Variants in CMTM7 observed in about 807,000 individuals in gnomAD.
CMTM7 encodes the protein CKLF-like MARVEL transmembrane domain-containing protein 7.
Under a neutral mutation model 19.3 loss-of-function variants are expected in CMTM7, and 7 were observed. The observed-to-expected ratio is 0.36, with a 90% CI of 0.21 to 0.68. The LOEUF is 0.68. Among genes scored for constraint, CMTM7 ranks in the 30% least tolerant of loss-of-function variants. CMTM7 has a pLI of 0.60. For missense variants in CMTM7, 193 were observed against 232.6 expected, an observed-to-expected ratio of 0.83 and a Z score of 1.11; for synonymous variants, 87 against 99.3, an observed-to-expected ratio of 0.88 and a Z score of 0.74.
intron 1 of CMTM7, among the ~76,000 whole-genome samples, chr3:32,412,076 A>G (rs1319443112): frequency 6.6e-6 from 1 of 152,198 alleles, no homozygotes; most frequent in Non-Finnish European, 1.5e-5. Flanking sequence ...GTTAGCCACA[A>G]AAATGTTAGT....
Position 32,413,748 on chromosome 3 carries a change from C to G in CMTM7, c.159+21683C>G, listed in dbSNP as rs140933805. On this transcript the variant is annotated intron_variant, in intron 1 of 4. Coordinates refer to ENST00000334983, the MANE Select transcript of CMTM7 (RefSeq NM_138410.4). ...CCTATGTGGCTATTCAAGTTTGGGCCAAGATTTTTCTATTCTTTTTAAACT... is the reference window on the plus strand; with the variant it reads ...CCTATGTGGCTATTCAAGTTTGGGCGAAGATTTTTCTATTCTTTTTAAACT... Among the ~76,000 whole-genome samples the G allele has an allele frequency of 2.2e-3, 335 of 152,276 alleles. 1 individual carries two copies. Among genetic ancestry groups the G allele is most frequent in the Non-Finnish European group, 3.8e-3 (261 of 68,032 alleles).
At chr3:32,397,854 G>T (rs1307744434) in intron 1 of CMTM7, among the ~76,000 whole-genome samples, 1 of 152,166 alleles carries the variant, frequency 6.6e-6, no homozygotes, top group South Asian at 2.1e-4. Flanking sequence ...TATTCAAGAT[G>T]GAGTCACTCT....
At chr3:32,398,438 A>G (rs563144660) in intron 1 of CMTM7, among the ~76,000 whole-genome samples, 115 of 152,272 alleles carry the variant, frequency 7.6e-4, no homozygotes, top group African/African-American at 2.6e-3. Flanking sequence ...CTAGTAGGTG[A>G]TCACGACTGT....
At chr3:32,395,131 G>A (rs1417207114) in intron 1 of CMTM7, among the ~76,000 whole-genome samples, 1 of 152,000 alleles carries the variant, frequency 6.6e-6, no homozygotes, top group Admixed American at 6.6e-5. Flanking sequence ...AGCCTCCCGA[G>A]TAGCTGGGAC....
intron 1 of CMTM7, among the ~76,000 whole-genome samples, chr3:32,416,370 T>C (rs1231826677): frequency 0.36 from 29,848 of 83,570 alleles, 6,633 homozygotes; most frequent in South Asian, 0.5. Flanking sequence ...AATTTTTTTT[T>C]TTTTTTTTTT....
intron 1 of CMTM7, among the ~76,000 whole-genome samples, chr3:32,440,954 GT>G (rs1185024757): frequency 1.3e-5 from 2 of 152,166 alleles, no homozygotes; most frequent in African/African-American, 2.4e-5. Flanking sequence ...ATTGCTAATA[GT>G]TTTCATCTGG....
At chr3:32,419,083 A>G (rs347163) in intron 1 of CMTM7, among the ~76,000 whole-genome samples, 63,796 of 151,958 alleles carry the variant, frequency 0.42, 13,668 homozygotes, top group South Asian at 0.48. Context: ...GTGTTCTATC[A>G]TTTTCACCAT....
intron 1 of CMTM7, among the ~76,000 whole-genome samples, chr3:32,414,716 C>A (rs1026856903): frequency 2.0e-5 from 3 of 152,162 alleles, no homozygotes; most frequent in Non-Finnish European, 4.4e-5. Flanking sequence ...CAATTCTTTA[C>A]GACAACGGAA....
At chr3:32,407,362 A>G (rs1297375800) in intron 1 of CMTM7, among the ~76,000 whole-genome samples, 1 of 152,114 alleles carries the variant, frequency 6.6e-6, no homozygotes, top group East Asian at 1.9e-4. Context: ...ATTTGAAACA[A>G]GGGAAGGGAA....
chr3:32,426,103 C>T (rs1696428532), intron 1 of CMTM7, among the ~76,000 whole-genome samples: 1 of 152,316 alleles, frequency 6.6e-6, no homozygotes, highest in South Asian at 2.1e-4. Context: ...CAAGATCGCA[C>T]CATTGCACTC....
At chr3:32,404,156 TTTTTTC>T (rs1424732538) in intron 1 of CMTM7, among the ~76,000 whole-genome samples, 15 of 70,726 alleles carry the variant, frequency 2.1e-4, no homozygotes, top group African/African-American at 3.8e-4. Flanking sequence ...TTTTTTCTTT[TTTTTTC>T]TTTTTTTTTT....
At chr3:32,441,730 C>T in intron 1 of CMTM7, 110 bp from the exon 2 acceptor site, 1 of 866,452 alleles carries the variant, frequency 1.2e-6, no homozygotes, top group East Asian at 2.4e-5. Flanking sequence ...GTATTAATAG[C>T]AGTTCTTCAA....
intron 1 of CMTM7, among the ~76,000 whole-genome samples, chr3:32,427,514 T>C: frequency 6.6e-6 from 1 of 152,142 alleles, no homozygotes; most frequent in East Asian, 1.9e-4. Flanking sequence ...TATAATACCA[T>C]AGCCACTAGC....
chr3:32,438,512 G>T (rs1046572923), intron 1 of CMTM7, among the ~76,000 whole-genome samples: 8 of 151,598 alleles, frequency 5.3e-5, no homozygotes, highest in Non-Finnish European at 8.8e-5. Flanking sequence ...TAATATGCTG[G>T]CTAAGATGCT....
intron 1 of CMTM7, among the ~76,000 whole-genome samples, chr3:32,415,853 C>G (rs1260686662): frequency 6.6e-6 from 1 of 152,142 alleles, no homozygotes; most frequent in Admixed American, 6.5e-5. Flanking sequence ...ATGCTAGTCC[C>G]TTTGATAAGA....
intron 1 of CMTM7, among the ~76,000 whole-genome samples, chr3:32,400,480 C>T (rs747955890): frequency 1.4e-5 from 2 of 147,456 alleles, no homozygotes; most frequent in Admixed American, 6.9e-5. Context: ...GCAACCTCCA[C>T]CTCCCGGGTT....
At chr3:32,413,686 C>T (rs772902532) in intron 1 of CMTM7, among the ~76,000 whole-genome samples, 5 of 152,152 alleles carry the variant, frequency 3.3e-5, no homozygotes, top group Non-Finnish European at 5.9e-5. Flanking sequence ...TTTAGGAACC[C>T]CAGCATGGGG....
chr3:32,399,268 T>TG (rs1695965864), intron 1 of CMTM7, among the ~76,000 whole-genome samples: 1 of 151,912 alleles, frequency 6.6e-6, no homozygotes, highest in South Asian at 2.1e-4. Context: ...CTTTTGTTTT[T>TG]TTTTTTTTTT....
At chr3:32,409,206 C>T (rs1378744788) in intron 1 of CMTM7, among the ~76,000 whole-genome samples, 2 of 152,206 alleles carry the variant, frequency 1.3e-5, no homozygotes, top group African/African-American at 2.4e-5. Flanking sequence ...ATAAATAATC[C>T]CAGGTTTACA....
Sources: gnomAD v4.1 joint callset for allele counts (sites outside exome capture counted in the v4.1 genomes callset) on GRCh38, gnomAD v4.1.1 for gene constraint, MANE v1.5 for transcripts, NCBI Gene and HGNC (gene_info 2026-07-23, HGNC 2026-07-21) for gene names.